Variants in FGD6 observed in about 807,000 individuals in gnomAD.
FGD6 encodes FYVE, RhoGEF and PH domain containing 6, also known as FYVE, RhoGEF and PH domain-containing protein 6.
Under a neutral mutation model 149.4 loss-of-function variants are expected in FGD6, and 90 were observed. The observed-to-expected ratio is 0.60, with a 90% CI of 0.51 to 0.72. FGD6 has a LOEUF of 0.72. FGD6 is among the 30% of genes least tolerant of loss of function. The pLI, the probability that FGD6 is intolerant of heterozygous loss-of-function variation, is 0.00. For missense variants in FGD6, 1,437 were observed against 1,684.8 expected (o/e 0.85, Z 2.57); for synonymous variants, 527 against 584.0 (o/e 0.90, Z 1.41).
chr12:95,102,777 G>A (rs1878491683), intron 14 of FGD6, among the ~76,000 whole-genome samples: 3 of 152,086 alleles, frequency 2.0e-5, no homozygotes, highest in South Asian at 2.1e-4. Flanking sequence ...ATTCATGGAC[G>A]TAAGCAAAAT....
At position 95,152,736 on chromosome 12, in the gene FGD6, T is replaced by G. The variant is rs1228084994; in HGVS notation, c.2685+75A>C. ...ATGTCTATCATTAAGTTAGTAATGC[T>G]GAAAACTTCTAGGGGTAGGGAAAGT... On this transcript the variant is annotated intron_variant, in intron 5 of 20. Coordinates refer to ENST00000343958, the MANE Select transcript of FGD6 (RefSeq NM_018351.4). 5 of 1,341,646 alleles carry G rather than the reference T, an allele frequency of 3.7e-6. No individual in the cohort carries two copies. In the East Asian group the frequency reaches 9.7e-5, roughly 26 times the overall value. 83.1% of individuals were successfully genotyped at this position (1,341,646 alleles called of 1,614,324 possible). A position where few individuals can be genotyped will look rare whatever the true frequency, so the allele number is the denominator to read the frequency against.
intron 5 of FGD6, 33 bp downstream of exon 5, chr12:95,152,778 T>C (rs1230791409): frequency 1.1e-5 from 17 of 1,598,260 alleles, no homozygotes; most frequent in Non-Finnish European, 1.5e-5. Context: ...GGGAATAGTC[T>C]TAGACTTCAA....
chr12:95,131,888 A>C (rs895545794), intron 8 of FGD6, among the ~76,000 whole-genome samples: 1 of 152,110 alleles, frequency 6.6e-6, no homozygotes, highest in Admixed American at 6.6e-5. Flanking sequence ...AAAAATACAA[A>C]AATTAGCCAG....
At position 95,138,609 on chromosome 12, in the gene FGD6, CCT is replaced by C. The variant is rs1181962341; in HGVS notation, c.2838-933_2838-932del. ...ATACAAAGGCCTGCCCTTTCTGACCCCTGTCACACTTCTCTTCCTCTTCCCCA... is the reference window on the plus strand; with the variant it reads ...ATACAAAGGCCTGCCCTTTCTGACCCGTCACACTTCTCTTCCTCTTCCCCA... On this transcript the variant is annotated intron_variant, in intron 6 of 20. Coordinates refer to ENST00000343958, the MANE Select transcript of FGD6 (RefSeq NM_018351.4). Among the ~76,000 whole-genome samples the C allele has an allele frequency of 5.9e-5, 9 of 152,184 alleles. No individual in the cohort carries two copies. The South Asian group carries it at 8.3e-4, about 14-fold the overall frequency.
At chr12:95,104,870 G>T in intron 14 of FGD6, 137 bp downstream of exon 14, 2 of 652,484 alleles carry the variant, frequency 3.1e-6, no homozygotes, top group Non-Finnish European at 5.2e-6. Flanking sequence ...CCGTGATTGT[G>T]CCACTGCATT....
At chr12:95,202,252 G>A (rs1314038226) in intron 2 of FGD6, among the ~76,000 whole-genome samples, 1 of 151,798 alleles carries the variant, frequency 6.6e-6, no homozygotes, top group Non-Finnish European at 1.5e-5. Context: ...GCTGGGCATA[G>A]TGGCAGTGCC....
chr12:95,126,604 G>A (rs1027477051), intron 8 of FGD6, among the ~76,000 whole-genome samples: 1 of 151,836 alleles, frequency 6.6e-6, no homozygotes, highest in Non-Finnish European at 1.5e-5. Context: ...GGTGGTGCAT[G>A]CCTGTAATCC....
chr12:95,130,940 G>C (rs1249804624), intron 8 of FGD6, among the ~76,000 whole-genome samples: 1 of 152,126 alleles, frequency 6.6e-6, no homozygotes, highest in Non-Finnish European at 1.5e-5. Context: ...AAGGTTATAG[G>C]AATGTCCTTA....
At chr12:95,177,530 T>C (rs1881164797) in intron 2 of FGD6, among the ~76,000 whole-genome samples, 1 of 152,230 alleles carries the variant, frequency 6.6e-6, no homozygotes, top group African/African-American at 2.4e-5. Context: ...TTCTGTGGTC[T>C]TTCTCTTCCT....
At chr12:95,183,113 C>G (rs1881331521) in intron 2 of FGD6, among the ~76,000 whole-genome samples, 1 of 152,224 alleles carries the variant, frequency 6.6e-6, no homozygotes, top group Non-Finnish European at 1.5e-5. Flanking sequence ...TCTGCCTTGA[C>G]ATCTGGGGAA....
intron 8 of FGD6, among the ~76,000 whole-genome samples, chr12:95,122,383 C>T (rs1879217156): frequency 1.3e-5 from 2 of 152,088 alleles, no homozygotes; most frequent in Non-Finnish European, 2.9e-5. Flanking sequence ...CAGTGGCTTG[C>T]ACCTGTCATC....
intron 15 of FGD6, 138 bp from the exon 16 acceptor site, chr12:95,092,983 G>T: frequency 1.0e-6 from 1 of 965,944 alleles, no homozygotes; most frequent in Non-Finnish European, 1.5e-6. Flanking sequence ...CATTTTGGGA[G>T]GCCGAGTCGA....
chr12:95,159,725 T>A (rs976305691), intron 3 of FGD6, among the ~76,000 whole-genome samples: 5 of 152,260 alleles, frequency 3.3e-5, no homozygotes, highest in South Asian at 2.1e-4. Flanking sequence ...TCCCAGCTAC[T>A]CAGGAGGCTG....
In FGD6 at chr12:95,143,283, G is replaced by GT. The variant is rs1225492589; in HGVS notation, c.2686-1745dup. ...CATACATATATTAACCATGAGGTTT[G>GT]TTTTTTTTTGTTTTTTTTTTTTTTA... On this transcript the variant is annotated intron_variant, in intron 5 of 20. Transcript: ENST00000343958. Among the ~76,000 whole-genome samples the GT allele has an allele frequency of 1.4e-4, 8 of 56,900 alleles. No individual in the cohort carries two copies. The East Asian group carries it at 3.8e-3, about 27-fold the overall frequency. The allele number at this position is 56,900 out of a possible 152,430, so 37.3% of individuals were successfully genotyped here. A position where few individuals can be genotyped will look rare whatever the true frequency, so the allele number is the denominator to read the frequency against.
chr12:95,143,303 T>G (rs1427209960), intron 5 of FGD6, among the ~76,000 whole-genome samples: 1 of 151,968 alleles, frequency 6.6e-6, no homozygotes, highest in East Asian at 1.9e-4. Context: ...GTTTTTTTTT[T>G]TTTTAACTCT....
In FGD6 at chr12:95,211,116, T is replaced by C. The variant is rs753411457; in HGVS notation, c.168A>G (p.Pro56=). 4 of 1,614,222 alleles carry C rather than the reference T, an allele frequency of 2.5e-6. No homozygotes were observed. Among genetic ancestry groups the C allele is most frequent in the Non-Finnish European group, 3.4e-6 (4 of 1,180,022 alleles). ...KKMKPAIAPK[P]KVLKTSPVRE... is the part of the protein sequence containing the mutation. ...GAACAGGTGAGGTCTTCAGGACTTTTGGTTTTGGGGCTATTGCTGGTTTCA... is the reference window on the plus strand; with the variant it reads ...GAACAGGTGAGGTCTTCAGGACTTTCGGTTTTGGGGCTATTGCTGGTTTCA... Residue 56 remains proline, a synonymous_variant, in exon 2 of 21, where the codon CCA becomes CCG. Transcript: ENST00000343958.
At chr12:95,084,727 T>C in intron 19 of FGD6, 81 bp from the exon 20 acceptor site, 2 of 1,132,018 alleles carry the variant, frequency 1.8e-6, no homozygotes, top group Non-Finnish European at 2.4e-6. Flanking sequence ...TCTACATAGC[T>C]CTAATTTAAT....
chr12:95,095,370 G>C (rs1352190718), intron 14 of FGD6, among the ~76,000 whole-genome samples: 3 of 139,364 alleles, frequency 2.2e-5, no homozygotes, highest in Admixed American at 1.4e-4. Context: ...GTCAGACAAG[G>C]GTATTTTTTT....
At chr12:95,192,299 A>G (rs1881613019) in intron 2 of FGD6, among the ~76,000 whole-genome samples, 1 of 152,202 alleles carries the variant, frequency 6.6e-6, no homozygotes, top group African/African-American at 2.4e-5. Context: ...ACAAAATGTT[A>G]TGATAGAATG....
Sources: gnomAD v4.1 joint callset for allele counts (sites outside exome capture counted in the v4.1 genomes callset) on GRCh38, gnomAD v4.1.1 for gene constraint, MANE v1.5 for transcripts, NCBI Gene and HGNC (gene_info 2026-07-23, HGNC 2026-07-21) for gene names.